Variants in SAMD13 observed in about 807,000 individuals in gnomAD.
The protein encoded by SAMD13 is sterile alpha motif domain containing 13.
Under a neutral mutation model 12.4 loss-of-function variants are expected in SAMD13, and 9 were observed. The ratio of observed to expected loss-of-function variants is 0.72; its 90% CI spans 0.44 to 1.26. SAMD13 has a LOEUF of 1.26. Ranked by LOEUF, SAMD13 falls within the 50% of genes most tolerant of loss-of-function variation. The pLI is 0.00. For missense variants in SAMD13, 84 were observed against 119.6 expected, an observed-to-expected ratio of 0.70 and a Z score of 1.39; for synonymous variants, 46 against 45.4, an observed-to-expected ratio of 1.01 and a Z score of -0.05.
At chr1:84,302,558 A>T in intron 1 of SAMD13, 1 of 460,046 alleles carries the variant, frequency 2.2e-6, no homozygotes, top group Non-Finnish European at 2.9e-6. Context: ...ACACACACAC[A>T]CACACACACA....
intron 2 of SAMD13, among the ~76,000 whole-genome samples, chr1:84,310,922 T>C (rs1479536416): frequency 6.6e-6 from 1 of 152,220 alleles, no homozygotes; most frequent in Non-Finnish European, 1.5e-5. Context: ...AATTTTAGCC[T>C]AAAATTTTGT....
intron 2 of SAMD13, among the ~76,000 whole-genome samples, chr1:84,314,265 T>C (rs1054230004): frequency 6.6e-6 from 1 of 152,096 alleles, no homozygotes; most frequent in African/African-American, 2.4e-5. Flanking sequence ...CTCCATCTCC[T>C]TGGGAAGCAG....
At chr1:84,315,269 C>T (rs1678808635) in intron 2 of SAMD13, among the ~76,000 whole-genome samples, 3 of 152,038 alleles carry the variant, frequency 2.0e-5, no homozygotes, top group Non-Finnish European at 4.4e-5. Context: ...TAGACTCTGC[C>T]AACCACCATT....
At chr1:84,312,982 T>C (rs945483752) in intron 2 of SAMD13, among the ~76,000 whole-genome samples, 1 of 152,148 alleles carries the variant, frequency 6.6e-6, no homozygotes, top group Non-Finnish European at 1.5e-5. Context: ...ATCATATAGA[T>C]AGACATGATT....
At chr1:84,344,263 A>G (rs1293911174) in intron 3 of SAMD13, among the ~76,000 whole-genome samples, 1 of 152,156 alleles carries the variant, frequency 6.6e-6, no homozygotes, top group African/African-American at 2.4e-5. Context: ...CAACAAATGA[A>G]ATACTTTTGA....
At chr1:84,304,653 C>T (rs1376196776) in intron 2 of SAMD13, among the ~76,000 whole-genome samples, 1 of 152,020 alleles carries the variant, frequency 6.6e-6, no homozygotes, top group African/African-American at 2.4e-5. Flanking sequence ...TTTGTAATCT[C>T]TCCCTCCTGT....
At chr1:84,346,863 C>T (rs765655485) in intron 3 of SAMD13, among the ~76,000 whole-genome samples, 12 of 152,172 alleles carry the variant, frequency 7.9e-5, no homozygotes, top group Non-Finnish European at 1.3e-4. Context: ...TAAATAGGAA[C>T]ATGCCTACAT....
At chr1:84,317,563 A>G (rs78641581) in intron 2 of SAMD13, among the ~76,000 whole-genome samples, 9,210 of 152,140 alleles carry the variant, frequency 0.061, 371 homozygotes, top group African/African-American at 0.11. Context: ...GTCATGGTGA[A>G]TGATCTTTTT....
intron 2 of SAMD13, 125 bp from the exon 3 acceptor site, chr1:84,325,512 G>C: frequency 1.5e-6 from 1 of 648,284 alleles, no homozygotes; most frequent in Admixed American, 2.7e-5. Context: ...GACTAAGCCA[G>C]TGAGAGTAAT....
chr1:84,341,501 G>C (rs796123504), intron 3 of SAMD13, among the ~76,000 whole-genome samples: 6 of 152,214 alleles, frequency 3.9e-5, no homozygotes, highest in African/African-American at 1.4e-4. Flanking sequence ...TTTTTCCCCA[G>C]CTGCACTAGG....
intron 2 of SAMD13, among the ~76,000 whole-genome samples, chr1:84,312,492 A>G (rs1204853452): frequency 6.6e-6 from 1 of 152,014 alleles, no homozygotes; most frequent in Non-Finnish European, 1.5e-5. Flanking sequence ...TCCAATTACA[A>G]TATACAAAGG....
At chr1:84,303,033 C>G (rs1678485855) in intron 1 of SAMD13, 170 bp from the exon 2 acceptor site, 1 of 537,676 alleles carries the variant, frequency 1.9e-6, no homozygotes, top group Non-Finnish European at 3.3e-6. Context: ...TCCTCCAGTT[C>G]TTTAGGTTTA....
intron 2 of SAMD13, among the ~76,000 whole-genome samples, chr1:84,315,469 T>C (rs2101796866): frequency 6.6e-6 from 1 of 152,322 alleles, no homozygotes; most frequent in East Asian, 1.9e-4. Context: ...ATACAGCATG[T>C]CTTTTTTGCG....
chr1:84,339,177 T>TG (rs147838810), intron 3 of SAMD13, among the ~76,000 whole-genome samples: 6 of 152,216 alleles, frequency 3.9e-5, no homozygotes, highest in African/African-American at 1.4e-4. Flanking sequence ...GAACAATTAT[T>TG]GGGGAACTAG....
intron 3 of SAMD13, among the ~76,000 whole-genome samples, chr1:84,329,711 A>G (rs1679133597): frequency 2.6e-5 from 4 of 152,220 alleles, no homozygotes; most frequent in South Asian, 2.1e-4. Flanking sequence ...TCTTCTGGCA[A>G]TCCTCTTTTG....
chr1:84,302,993 C>A, intron 1 of SAMD13: 1 of 454,698 alleles, frequency 2.2e-6, no homozygotes, highest in South Asian at 2.6e-5. Flanking sequence ...GCAGGGAGTG[C>A]CAGTACAGAT....
intron 2 of SAMD13, among the ~76,000 whole-genome samples, chr1:84,307,710 A>G (rs1482340767): frequency 6.6e-6 from 1 of 152,046 alleles, no homozygotes; most frequent in East Asian, 1.9e-4. Flanking sequence ...TGATCCTTTT[A>G]AGTCTTGCCT....
chr1:84,338,943 G>C (rs1490410260), intron 3 of SAMD13, among the ~76,000 whole-genome samples: 3 of 152,168 alleles, frequency 2.0e-5, no homozygotes, highest in African/African-American at 7.2e-5. Flanking sequence ...TCCTCAGCTT[G>C]ATCTATTCTG....
chr1:84,349,374 G>A (rs1490677630), intron 3 of SAMD13, among the ~76,000 whole-genome samples: 1 of 152,204 alleles, frequency 6.6e-6, no homozygotes, highest in Non-Finnish European at 1.5e-5. Context: ...CTTGCGATCT[G>A]TTTTTTAAGA....
Sources: allele counts gnomAD v4.1 joint callset (sites outside exome capture counted in the v4.1 genomes callset), GRCh38; gene constraint gnomAD v4.1.1; transcripts MANE v1.5; gene names NCBI Gene and HGNC (gene_info 2026-07-23, HGNC 2026-07-21).